Variants in RRBP1 observed in about 807,000 individuals in gnomAD.
RRBP1 encodes the protein ribosome-binding protein 1.
Under a neutral mutation model 165.2 loss-of-function variants are expected in RRBP1, and 94 were observed. That is an observed-to-expected ratio of 0.57 (90% CI 0.48 to 0.68). The LOEUF is 0.68. Ranked by LOEUF, RRBP1 falls within the 30% of genes least tolerant of loss-of-function variation. The pLI, the probability that RRBP1 is intolerant of heterozygous loss-of-function variation, is 0.00. For synonymous variants in RRBP1, 680 were observed against 714.5 expected, an observed-to-expected ratio of 0.95 and a Z score of 0.77; for missense variants, 1,676 against 1,763.0, an observed-to-expected ratio of 0.95 and a Z score of 0.88.
At chr20:17,615,855 A>C in intron 22 of RRBP1, 71 bp downstream of exon 22, 1 of 1,342,506 alleles carries the variant, frequency 7.4e-7, no homozygotes, top group Non-Finnish European at 1.1e-6. Context: ...GGCAGGGCTG[A>C]CCCACTCATT....
Position 17,614,116 on chromosome 20 carries a change from A to G in RRBP1, c.*66T>C. On this transcript the variant is annotated 3_prime_UTR_variant, in exon 25 of 25. Coordinates refer to ENST00000377813, the MANE Select transcript of RRBP1 (RefSeq NM_001365613.2). Reference sequence around the variant, plus strand: ...TAACGCTGTGTAGGTTGGTTGGTTTATTTGTAAGGAATGTGTAAGGCATTT... The same window carrying G: ...TAACGCTGTGTAGGTTGGTTGGTTTGTTTGTAAGGAATGTGTAAGGCATTT... 1.3e-6 allele frequency: 2 copies of G among 1,533,216 alleles called. No homozygotes were observed. The highest frequency in any genetic ancestry group is 9.0e-7 in the Non-Finnish European group (1 of 1,106,716). The allele number at this position is 1,533,216 out of a possible 1,614,324, so 95.0% of individuals were successfully genotyped here.
Position 17,635,620 on chromosome 20 carries a change from C to G in RRBP1, c.2382G>C (p.Gln794His), listed in dbSNP as rs1447051489. 6.2e-7 allele frequency: 1 copy of G among 1,613,522 alleles called. No individual in the cohort carries two copies. The highest frequency in any genetic ancestry group is 1.1e-5 in the South Asian group (1 of 91,026). ...QEQLENGPNT[Q>H]LARLQQENSI... is the part of the protein sequence containing the mutation. Reference sequence around the variant, plus strand: ...AGTTCTCCTGCTGCAGGCGGGCCAGCTGCGTGTTGGGGCCATTCTCCAGCT... The same window carrying G: ...AGTTCTCCTGCTGCAGGCGGGCCAGGTGCGTGTTGGGGCCATTCTCCAGCT... Residue 794 changes from glutamine (Q) to histidine (H), a missense_variant, in exon 7 of 25, where the codon CAG (glutamine) becomes CAC (histidine). Gln to His is a conservative substitution (Grantham distance 24). This residue lies in a region of RRBP1 where 1,184 missense variants were observed against 1,167.1 expected (regional missense o/e 1.01). Coordinates refer to ENST00000377813, the MANE Select transcript of RRBP1 (RefSeq NM_001365613.2).
At position 17,659,694 on chromosome 20, in the gene RRBP1, C is replaced by T. The variant is rs758886006; in HGVS notation, c.814G>A (p.Val272Ile). 27 of 1,550,532 alleles carry T rather than the reference C, an allele frequency of 1.7e-5. No individual in the cohort carries two copies. Among genetic ancestry groups the T allele is most frequent in the Non-Finnish European group, 2.3e-5 (26 of 1,146,964 alleles). Reference sequence around the variant, plus strand: ...TTCCCCTGGTTTGGGGTTGTATCTACCTTTTTACCCTGGTTCTGGGCCCCC... The same window carrying T: ...TTCCCCTGGTTTGGGGTTGTATCTATCTTTTTACCCTGGTTCTGGGCCCCC... ...AEGAQNQGKK[V>I]DTTPNQGKKV... The change falls in exon 3 of 25, where the codon GTA becomes ATA. Residue 272 changes from valine to isoleucine, a missense_variant. This residue lies in a region of RRBP1 where 392 missense variants were observed against 382.5 expected (regional missense o/e 1.02). Coordinates refer to ENST00000377813, the MANE Select transcript of RRBP1 (RefSeq NM_001365613.2).
chr20:17,626,581 C>T (rs1312969146), intron 11 of RRBP1, among the ~76,000 whole-genome samples: 1 of 152,162 alleles, frequency 6.6e-6, no homozygotes, highest in Non-Finnish European at 1.5e-5. Flanking sequence ...CACATCTGAC[C>T]GTGTGCGAGG....
At chr20:17,627,440 C>A (rs770386841) in intron 10 of RRBP1, 58 bp from the exon 11 acceptor site, 33 of 1,610,482 alleles carry the variant, frequency 2.0e-5, no homozygotes, top group Non-Finnish European at 2.8e-5. Flanking sequence ...CGCAGCGGGG[C>A]TAGTCCACCC....
rs1437664584 is a variant in RRBP1 at position 17,614,826 on chromosome 20, T to C, written c.4105A>G (p.Arg1369Gly). 1.2e-6 allele frequency: 2 copies of C among 1,613,904 alleles called. No individual in the cohort carries two copies. Among genetic ancestry groups the C allele is most frequent in the South Asian group, 2.2e-5 (2 of 91,086 alleles). Reference sequence around the variant, plus strand: ...GTCGTCTTCAGAAGCTCCTGCAGTCTCGTGGCGGCGCGCCCCAGGTCACTT... The same window carrying C: ...GTCGTCTTCAGAAGCTCCTGCAGTCCCGTGGCGGCGCGCCCCAGGTCACTT... ...LTSDLGRAAT[R>G]LQELLKTTQE... is the part of the protein sequence containing the mutation. Residue 1369 changes from arginine to glycine, a missense_variant, in exon 24 of 25, where the codon AGA becomes GGA. Physicochemically the swap from Arg to Gly is moderately radical, Grantham distance 125 (BLOSUM62 -2). This residue lies in a region of RRBP1 where 1,184 missense variants were observed against 1,167.1 expected (regional missense o/e 1.01). Coordinates refer to ENST00000377813, the MANE Select transcript of RRBP1 (RefSeq NM_001365613.2).
At position 17,614,900 on chromosome 20, in the gene RRBP1, C is replaced by G; in HGVS notation, c.4051-20G>C. The G allele has an allele frequency of 1.2e-6, 2 of 1,611,278 alleles. No individual in the cohort carries two copies. ...TCTCTCCTGATGGTCAGAAGGTTGA[C>G]GGGCATCAGCCCTTGCACCGGCAGG... On this transcript the variant is annotated intron_variant, in intron 23 of 24. Coordinates refer to ENST00000377813, the MANE Select transcript of RRBP1 (RefSeq NM_001365613.2).
intron 20 of RRBP1, among the ~76,000 whole-genome samples, chr20:17,617,603 C>T (rs1254882095): frequency 6.6e-6 from 1 of 152,226 alleles, no homozygotes; most frequent in Non-Finnish European, 1.5e-5. Flanking sequence ...CTGGGCCATG[C>T]CCCCGGGGCC....
In RRBP1 at chr20:17,620,698, G is replaced by C; in HGVS notation, c.3507+17C>G. The C allele has an allele frequency of 2.5e-6, 4 of 1,593,518 alleles. No homozygotes were observed. Among genetic ancestry groups the C allele is most frequent in the Non-Finnish European group, 3.4e-6 (4 of 1,171,046 alleles). On this transcript the variant is annotated intron_variant, in intron 17 of 24. Transcript: ENST00000377813. ...ATGTGCTCCACGGCGCCGGGAGGCA[G>C]GCAGGGCTGCATATACCTTCTGGAG...
intron 3 of RRBP1, among the ~76,000 whole-genome samples, chr20:17,648,177 GCT>G (rs1239128783): frequency 6.6e-6 from 1 of 152,166 alleles, no homozygotes; most frequent in African/African-American, 2.4e-5. Flanking sequence ...GACGCAAGAC[GCT>G]CTCTAGGGAG....
intron 2 of RRBP1, among the ~76,000 whole-genome samples, chr20:17,674,881 G>A (rs905666421): frequency 2.0e-5 from 3 of 152,218 alleles, no homozygotes; most frequent in Non-Finnish European, 2.9e-5. Context: ...GTTTCCTGGT[G>A]AGTGTGTCGT....
At position 17,668,052 on chromosome 20, in the gene RRBP1, A is replaced by C. The variant is rs370092304; in HGVS notation, c.-21-7524T>G. 6.6e-5 allele frequency among the ~76,000 whole-genome samples: 10 copies of C among 152,344 alleles called. No homozygotes were observed. In the East Asian group the frequency reaches 1.9e-3, roughly 29 times the overall value. On this transcript the variant is annotated intron_variant, in intron 2 of 24. Coordinates refer to ENST00000377813, the MANE Select transcript of RRBP1 (RefSeq NM_001365613.2). ...TTTTTAATCTCTCATTACTTTTAAGATCCATTTCTGGGGTTCTAAGGATTC... is the reference window on the plus strand; with the variant it reads ...TTTTTAATCTCTCATTACTTTTAAGCTCCATTTCTGGGGTTCTAAGGATTC...
At chr20:17,676,547 C>T (rs1165056085) in intron 2 of RRBP1, among the ~76,000 whole-genome samples, 2 of 152,138 alleles carry the variant, frequency 1.3e-5, no homozygotes, top group East Asian at 1.9e-4. Flanking sequence ...ATGACTAGTC[C>T]GGTCACACCG....
intron 3 of RRBP1, among the ~76,000 whole-genome samples, chr20:17,652,500 A>C (rs2036576058): frequency 1.3e-5 from 2 of 152,028 alleles, no homozygotes; most frequent in Non-Finnish European, 2.9e-5. Context: ...TCTAGAACCC[A>C]CTGCCAAGCA....
At chr20:17,636,449 T>C in intron 6 of RRBP1, 128 bp downstream of exon 6, 1 of 1,144,256 alleles carries the variant, frequency 8.7e-7, no homozygotes, top group South Asian at 1.4e-5. Flanking sequence ...GACCAGACCT[T>C]ACAGACCCCT....
chr20:17,658,846 A>G lies in RRBP1; in HGVS notation c.1662T>C (p.Ala554=), dbSNP rs764805673. Reference sequence around the variant, plus strand: ...TACCCTCTACCTTTGTGCCCTGATTAGCAACCGAATCTGCCTTTTTGCCCT... The same window carrying G: ...TACCCTCTACCTTTGTGCCCTGATTGGCAACCGAATCTGCCTTTTTGCCCT... ...PIQGKKADSV[A]NQGTKVEGIT... is the part of the protein sequence containing the mutation. Residue 554 remains alanine, a synonymous_variant, in exon 3 of 25, where the codon GCT becomes GCC. Coordinates refer to ENST00000377813, the MANE Select transcript of RRBP1 (RefSeq NM_001365613.2). The G allele has an allele frequency of 6.2e-7, 1 of 1,613,738 alleles. No individual in the cohort carries two copies. The highest frequency in any genetic ancestry group is 1.7e-5 in the Admixed American group (1 of 60,006).
intron 5 of RRBP1, chr20:17,641,398 A>C (rs2036355736): frequency 4.8e-6 from 1 of 208,336 alleles, no homozygotes; most frequent in South Asian, 8.0e-5. Context: ...ATCCTCAAGA[A>C]AACAACCTTG....
intron 9 of RRBP1, among the ~76,000 whole-genome samples, chr20:17,628,621 G>A (rs1424683462): frequency 2.0e-5 from 3 of 152,212 alleles, no homozygotes; most frequent in Non-Finnish European, 4.4e-5. Context: ...AGGGTGACCT[G>A]GCCCTGCCCC....
intron 17 of RRBP1, 169 bp downstream of exon 17, chr20:17,620,546 C>T: frequency 1.2e-6 from 1 of 809,764 alleles, no homozygotes; most frequent in Non-Finnish European, 2.1e-6. Flanking sequence ...AGGCGGGGGC[C>T]TCCTGGAGGA....
Sources: gnomAD v4.1 joint callset for allele counts (sites outside exome capture counted in the v4.1 genomes callset) on GRCh38, gnomAD v4.1.1 for gene constraint, gnomAD v4.1.1 regional missense constraint, MANE v1.5 for transcripts, NCBI Gene and HGNC (gene_info 2026-07-23, HGNC 2026-07-21) for gene names.